Variants in NALF1 observed in about 807,000 individuals in gnomAD.
The protein encoded by NALF1 is family with sequence similarity 155 member A.
A neutral mutation model predicts 48.4 loss-of-function variants in NALF1; 3 were observed. The observed-to-expected ratio is 0.06, with a 90% CI of 0.03 to 0.16. The LOEUF is 0.16. NALF1 is among the 10% of genes least tolerant of loss of function. The pLI is 1.00. For missense variants in NALF1, 526 were observed against 571.5 expected (o/e 0.92, Z 0.81); for synonymous variants, 262 against 245.7 (o/e 1.07, Z -0.62).
intron 1 of NALF1, among the ~76,000 whole-genome samples, chr13:107,677,376 G>A (rs1332136638): frequency 1.3e-5 from 2 of 152,180 alleles, no homozygotes; most frequent in East Asian, 3.9e-4. Flanking sequence ...GTGTAAATGT[G>A]TATAAACACA....
intron 1 of NALF1, among the ~76,000 whole-genome samples, chr13:107,768,932 T>C (rs1200922014): frequency 2.6e-5 from 4 of 151,786 alleles, no homozygotes; most frequent in Non-Finnish European, 5.9e-5. Context: ...AAAAAACACA[T>C]GAAAAAATGC....
chr13:107,828,587 C>CTA (rs756736318), intron 1 of NALF1, among the ~76,000 whole-genome samples: 482 of 42,668 alleles, frequency 0.011, 1 homozygote, highest in African/African-American at 0.02. Flanking sequence ...ATCTATCTAT[C>CTA]TATCTATATC....
intron 1 of NALF1, among the ~76,000 whole-genome samples, chr13:107,777,073 T>C (rs1022194249): frequency 3.9e-5 from 6 of 152,110 alleles, no homozygotes; most frequent in Non-Finnish European, 5.9e-5. Context: ...GCCTGGGTGA[T>C]GGAGCAAGAA....
chr13:107,722,221 C>T (rs1298868532), intron 1 of NALF1, among the ~76,000 whole-genome samples: 2 of 151,912 alleles, frequency 1.3e-5, no homozygotes, highest in Admixed American at 6.6e-5. Flanking sequence ...TATTCAGAAT[C>T]CAAATTAAAG....
At position 107,710,861 on chromosome 13, in the gene NALF1, GTATATGTATATATACACA is replaced by G. The variant is rs1278258084; in HGVS notation, c.915+154803_915+154820del. On this transcript the variant is annotated intron_variant, in intron 1 of 2. Coordinates refer to ENST00000375915, the MANE Select transcript of NALF1 (RefSeq NM_001080396.3). ...CACGTATAAATATACACAGATATGT[GTATATGTATATATACACA>G]TATATACACACAGACACACATATAT... 4.0e-5 allele frequency among the ~76,000 whole-genome samples: 6 copies of G among 149,290 alleles called. No individual in the cohort carries two copies. The East Asian group carries it at 1.2e-3, about 30-fold the overall frequency.
At position 107,269,913 on chromosome 13, in the gene NALF1, ATTTTTTTTTTTTTT is replaced by A. The variant is rs71121514; in HGVS notation, c.916-59172_916-59159del. ...AGGTGCCCACCACCACGCCCGGCTA[ATTTTTTTTTTTTTT>A]TTTTTTTTTTTTTTTTGTATTTTTA... On this transcript the variant is annotated intron_variant, in intron 1 of 2. Transcript: ENST00000375915. 2.4e-3 allele frequency among the ~76,000 whole-genome samples: 211 copies of A among 89,056 alleles called. 1 individual carries two copies. The highest frequency in any genetic ancestry group is 8.9e-3 in the African/African-American group (184 of 20,784). The allele number at this position is 89,056 out of a possible 152,430, so 58.4% of individuals were successfully genotyped here.
At chr13:107,430,070 A>C (rs1003743318) in intron 1 of NALF1, among the ~76,000 whole-genome samples, 2 of 152,212 alleles carry the variant, frequency 1.3e-5, no homozygotes, top group Non-Finnish European at 2.9e-5. Context: ...AGAGATATCC[A>C]TTTCTGCAGA....
chr13:107,642,941 C>G (rs1308464059), intron 1 of NALF1, among the ~76,000 whole-genome samples: 1 of 152,180 alleles, frequency 6.6e-6, no homozygotes, highest in African/African-American at 2.4e-5. Context: ...ATTGGAGTTT[C>G]TGCCTTGCCC....
intron 1 of NALF1, among the ~76,000 whole-genome samples, chr13:107,470,066 A>G (rs1040943876): frequency 5.6e-4 from 86 of 152,214 alleles, no homozygotes; most frequent in African/African-American, 1.9e-3. Flanking sequence ...TTTAATCAAG[A>G]TAAGTTTATG....
intron 1 of NALF1, among the ~76,000 whole-genome samples, chr13:107,323,446 A>G (rs902053759): frequency 6.6e-6 from 1 of 152,156 alleles, no homozygotes; most frequent in Non-Finnish European, 1.5e-5. Context: ...GATTGAGGGA[A>G]TGATTATTTG....
intron 1 of NALF1, among the ~76,000 whole-genome samples, chr13:107,671,995 C>T (rs371414903): frequency 7.8e-6 from 1 of 128,016 alleles, no homozygotes; most frequent in South Asian, 2.3e-4. Context: ...GGTAAAATTG[C>T]CTTGAAAAAA....
intron 1 of NALF1, among the ~76,000 whole-genome samples, chr13:107,357,381 T>G (rs1175215233): frequency 2.0e-5 from 3 of 152,088 alleles, no homozygotes; most frequent in Non-Finnish European, 4.4e-5. Flanking sequence ...GATCCGATCA[T>G]CCCCACTTGG....
At chr13:107,380,343 A>G (rs1883411382) in intron 1 of NALF1, among the ~76,000 whole-genome samples, 1 of 152,246 alleles carries the variant, frequency 6.6e-6, no homozygotes, top group Non-Finnish European at 1.5e-5. Context: ...TACAAGAACA[A>G]GAAATCATAA....
chr13:107,193,899 C>CGA (rs1879331858), intron 2 of NALF1, among the ~76,000 whole-genome samples: 1 of 111,360 alleles, frequency 9.0e-6, no homozygotes, highest in Non-Finnish European at 2.1e-5. Context: ...GGAGCTGGCA[C>CGA]TAGAGAGAGA....
intron 1 of NALF1, among the ~76,000 whole-genome samples, chr13:107,660,484 C>CAA (rs1555316067): frequency 0.066 from 9,220 of 139,078 alleles, 537 homozygotes; most frequent in African/African-American, 0.13. Context: ...CACACACACA[C>CAA]AACAAAGAAA....
At chr13:107,562,984 G>A (rs148994893) in intron 1 of NALF1, among the ~76,000 whole-genome samples, 1 of 152,272 alleles carries the variant, frequency 6.6e-6, no homozygotes, top group African/African-American at 2.4e-5. Flanking sequence ...TAGGCTTTTT[G>A]AATTCAGAGG....
In NALF1 at chr13:107,780,896, A is replaced by AC. The variant is rs1405529607; in HGVS notation, c.915+84785_915+84786insG. ...TAGTGCCTTTACTGATAAAAATCTGAGCTCTTGAAAAATGGAGACCAAGTT... is the reference window on the plus strand; with the variant it reads ...TAGTGCCTTTACTGATAAAAATCTGACGCTCTTGAAAAATGGAGACCAAGTT... On this transcript the variant is annotated intron_variant, in intron 1 of 2. Transcript: ENST00000375915. 2.0e-5 allele frequency among the ~76,000 whole-genome samples: 3 copies of AC among 152,192 alleles called. 1 individual carries two copies. The highest frequency in any genetic ancestry group is 7.2e-5 in the African/African-American group (3 of 41,456).
At chr13:107,174,945 G>A (rs954667142) in intron 2 of NALF1, among the ~76,000 whole-genome samples, 3 of 150,596 alleles carry the variant, frequency 2.0e-5, no homozygotes, top group Admixed American at 1.3e-4. Flanking sequence ...GTGCAGCGGC[G>A]CGATCTCGGC....
intron 1 of NALF1, among the ~76,000 whole-genome samples, chr13:107,514,440 T>TCTAA (rs1157204166): frequency 6.6e-6 from 1 of 151,792 alleles, no homozygotes; most frequent in Non-Finnish European, 1.5e-5. Flanking sequence ...TATCTATCTA[T>TCTAA]CTATCTATCT....
Sources: allele counts gnomAD v4.1 joint callset (sites outside exome capture counted in the v4.1 genomes callset), GRCh38; gene constraint gnomAD v4.1.1; transcripts MANE v1.5; gene names NCBI Gene and HGNC (gene_info 2026-07-23, HGNC 2026-07-21).